Variants in CNTN5 observed in about 807,000 individuals in gnomAD.
The protein encoded by CNTN5 is contactin 5, also known as contactin-5.
CNTN5 carries 77 observed loss-of-function variants against 129.1 expected under a neutral mutation model. The observed-to-expected ratio is 0.60, with a 90% CI of 0.50 to 0.72. The LOEUF is 0.72. CNTN5 is among the 30% of genes least tolerant of loss of function. The pLI is 0.00. For synonymous variants in CNTN5, 509 were observed against 465.6 expected, an observed-to-expected ratio of 1.09 and a Z score of -1.20; for missense variants, 1,478 against 1,328.8, an observed-to-expected ratio of 1.11 and a Z score of -1.75.
At chr11:99,314,817 G>A (rs1194828847) in intron 1 of CNTN5, among the ~76,000 whole-genome samples, 1 of 137,216 alleles carries the variant, frequency 7.3e-6, no homozygotes, top group Non-Finnish European at 1.7e-5. Flanking sequence ...CTTTAAGATG[G>A]ATGCTCTAGT....
chr11:99,771,966 A>T (rs1039426699), intron 3 of CNTN5, among the ~76,000 whole-genome samples: 1 of 151,960 alleles, frequency 6.6e-6, no homozygotes, highest in African/African-American at 2.4e-5. Flanking sequence ...GGGAGAAAAA[A>T]AAACCTGAAA....
intron 20 of CNTN5, among the ~76,000 whole-genome samples, chr11:100,306,436 T>C (rs1951351497): frequency 6.6e-6 from 1 of 151,666 alleles, no homozygotes; most frequent in Non-Finnish European, 1.5e-5. Context: ...CCCCCTGCAA[T>C]CTTCTTTGAC....
intron 1 of CNTN5, among the ~76,000 whole-genome samples, chr11:99,213,453 T>G (rs1859943855): frequency 6.9e-6 from 1 of 145,856 alleles, no homozygotes; most frequent in Admixed American, 7.0e-5. Context: ...CATATATGTA[T>G]ATACATATAT....
chr11:99,939,188 TTC>T (rs1211547471), intron 7 of CNTN5, among the ~76,000 whole-genome samples: 2 of 152,126 alleles, frequency 1.3e-5, no homozygotes. Context: ...AGAAATTGAT[TTC>T]TTTCTTTTCT....
intron 3 of CNTN5, among the ~76,000 whole-genome samples, chr11:99,592,421 A>C (rs1950005632): frequency 6.6e-6 from 1 of 152,232 alleles, no homozygotes; most frequent in Admixed American, 6.5e-5. Context: ...ACCAAGTTAA[A>C]GAAATGATCT....
At position 99,904,568 on chromosome 11, in the gene CNTN5, T is replaced by A. The variant is rs146517327; in HGVS notation, c.578-11486T>A. 2.7e-4 allele frequency among the ~76,000 whole-genome samples: 41 copies of A among 152,288 alleles called. 2 individuals carry two copies. In the East Asian group the frequency reaches 7.7e-3, roughly 29 times the overall value. On this transcript the variant is annotated intron_variant, in intron 6 of 24. Coordinates refer to ENST00000524871, the MANE Select transcript of CNTN5 (RefSeq NM_014361.4). The stretch of plus-strand genomic sequence containing the variant: ...GATGGGCATTTGAGCTAGTTCCAAG[T>A]CTTTGCTACTGTGAATAGTGCTGCA...
intron 20 of CNTN5, among the ~76,000 whole-genome samples, chr11:100,305,358 C>G (rs960856610): frequency 6.6e-6 from 1 of 151,580 alleles, no homozygotes; most frequent in Non-Finnish European, 1.5e-5. Flanking sequence ...GGAACTCTGG[C>G]ATATGTAGAA....
At chr11:99,664,667 A>G (rs1952718339) in intron 3 of CNTN5, among the ~76,000 whole-genome samples, 1 of 152,228 alleles carries the variant, frequency 6.6e-6, no homozygotes, top group African/African-American at 2.4e-5. Context: ...TTGTTGGATC[A>G]CTGGAACTAT....
At chr11:99,820,278 G>A (rs931212683) in intron 4 of CNTN5, among the ~76,000 whole-genome samples, 15 of 152,292 alleles carry the variant, frequency 9.8e-5, no homozygotes, top group Non-Finnish European at 2.2e-4. Context: ...GACATTTTTG[G>A]AAGGCCAATT....
intron 3 of CNTN5, among the ~76,000 whole-genome samples, chr11:99,642,643 A>G (rs1045081696): frequency 1.3e-5 from 2 of 152,090 alleles, no homozygotes; most frequent in African/African-American, 2.4e-5. Flanking sequence ...CTATTTTGAA[A>G]TATGCTTTAT....
At chr11:99,410,808 A>G (rs1942358646) in intron 2 of CNTN5, among the ~76,000 whole-genome samples, 1 of 152,194 alleles carries the variant, frequency 6.6e-6, no homozygotes, top group Non-Finnish European at 1.5e-5. Flanking sequence ...TGTTCATTAT[A>G]GCTGTTGCTC....
At chr11:99,047,352 T>C (rs1216949248) in intron 1 of CNTN5, among the ~76,000 whole-genome samples, 1 of 145,760 alleles carries the variant, frequency 6.9e-6, no homozygotes. Context: ...GAAATGGTAA[T>C]ATGCAACACT....
At chr11:99,401,729 C>T (rs764416606) in intron 2 of CNTN5, among the ~76,000 whole-genome samples, 1 of 152,020 alleles carries the variant, frequency 6.6e-6, no homozygotes, top group Admixed American at 6.6e-5. Context: ...GCTATATTTC[C>T]GTTGTGGGGT....
At chr11:99,622,779 T>C (rs1471697947) in intron 3 of CNTN5, among the ~76,000 whole-genome samples, 1 of 152,076 alleles carries the variant, frequency 6.6e-6, no homozygotes, top group Non-Finnish European at 1.5e-5. Context: ...TGACTTTTGC[T>C]AACTTGTTAA....
chr11:99,912,319 C>G (rs1036203707), intron 6 of CNTN5, among the ~76,000 whole-genome samples: 12 of 152,016 alleles, frequency 7.9e-5, no homozygotes, highest in Non-Finnish European at 1.8e-4. Flanking sequence ...TTTTTGGTCA[C>G]TCATGAGTGT....
At chr11:99,221,319 A>G (rs1380304130) in intron 1 of CNTN5, among the ~76,000 whole-genome samples, 1 of 151,968 alleles carries the variant, frequency 6.6e-6, no homozygotes, top group African/African-American at 2.4e-5. Flanking sequence ...GGATTTTCTC[A>G]GGCTATCTCA....
At position 100,218,028 on chromosome 11, in the gene CNTN5, T is replaced by G. The variant is rs1207348066; in HGVS notation, c.1885-6664T>G. Among the ~76,000 whole-genome samples the G allele has an allele frequency of 2.6e-5, 4 of 152,232 alleles. 1 individual carries two copies. The highest frequency in any genetic ancestry group is 2.6e-4 in the Admixed American group (4 of 15,280). ...GAGTCCTCACCTCCATTCTTTCAAC[T>G]GAGATACTGTCCTCTTTCCTTTGTC... On this transcript the variant is annotated intron_variant, in intron 15 of 24. Coordinates refer to ENST00000524871, the MANE Select transcript of CNTN5 (RefSeq NM_014361.4).
At chr11:99,244,681 G>C (rs79780749) in intron 1 of CNTN5, among the ~76,000 whole-genome samples, 55 of 152,302 alleles carry the variant, frequency 3.6e-4, no homozygotes, top group African/African-American at 1.3e-3. Context: ...TAAAATGCCT[G>C]CTACTGAGTC....
intron 2 of CNTN5, among the ~76,000 whole-genome samples, chr11:99,405,146 T>C (rs909908825): frequency 6.6e-6 from 1 of 152,176 alleles, no homozygotes; most frequent in African/African-American, 2.4e-5. Flanking sequence ...GCTTTAAGGA[T>C]CATTTCTTTA....
Sources: gnomAD v4.1 joint callset for allele counts (sites outside exome capture counted in the v4.1 genomes callset) on GRCh38, gnomAD v4.1.1 for gene constraint, MANE v1.5 for transcripts, NCBI Gene and HGNC (gene_info 2026-07-23, HGNC 2026-07-21) for gene names.